MYT1L: variants seen among roughly 807,000 people sequenced by gnomAD.
MYT1L encodes myelin transcription factor 1 like.
MYT1L carries 12 observed loss-of-function variants against 126.7 expected under a neutral mutation model. That is an observed-to-expected ratio of 0.09 (90% confidence interval 0.06 to 0.15). The LOEUF (loss-of-function observed/expected upper bound fraction) is 0.15, where lower values mean the gene tolerates loss of function less well. Ranked by LOEUF, MYT1L falls within the 10% of genes least tolerant of loss-of-function variation. The pLI is 1.00. For missense variants in MYT1L, 979 were observed against 1,585.2 expected (o/e 0.62, Z 6.49); for synonymous variants, 541 against 604.2 (o/e 0.90, Z 1.53).
intron 3 of MYT1L, among the ~76,000 whole-genome samples, chr2:2,069,208 G>T (rs1219456142): frequency 6.6e-6 from 1 of 152,024 alleles, no homozygotes; most frequent in Admixed American, 6.6e-5. Flanking sequence ...TTCTCCTAAT[G>T]CTCTCCCTCT....
In MYT1L at chr2:1,917,358, G is replaced by A. The variant is rs564497518; in HGVS notation, c.1484-19C>T. 6 of 1,589,164 alleles carry A rather than the reference G, an allele frequency of 3.8e-6. No homozygotes were observed. The highest frequency in any genetic ancestry group is 1.7e-4 in the Middle Eastern group (1 of 5,920). On this transcript the variant is annotated intron_variant, in intron 10 of 24. Transcript: ENST00000647738. The surrounding 1 kb of genome is among the most constrained non-coding windows in gnomAD (Gnocchi z 5.9). The stretch of plus-strand genomic sequence containing the variant: ...GAGGGATCTAAAAGCGACAACAGGT[G>A]CCAAGAGAATAAATGTTTACCAATC...
intron 1 of MYT1L, chr2:2,326,031 G>A (rs1030723467): frequency 9.9e-5 from 15 of 152,266 alleles, no homozygotes; most frequent in African/African-American, 3.6e-4. Context: ...AAAGGAAAGA[G>A]GTACCTTTTT....
intron 4 of MYT1L, among the ~76,000 whole-genome samples, chr2:2,053,092 G>A (rs1475164998): frequency 1.3e-5 from 2 of 152,098 alleles, no homozygotes; most frequent in African/African-American, 4.8e-5. Flanking sequence ...AAGGAAGGAT[G>A]CTCTGACCCA....
intron 1 of MYT1L, among the ~76,000 whole-genome samples, chr2:2,311,707 G>A (rs913116726): frequency 6.6e-6 from 1 of 152,078 alleles, no homozygotes; most frequent in South Asian, 2.1e-4. Flanking sequence ...GCAAGATAGG[G>A]GAGCAGGAAC....
chr2:1,953,831 G>C (rs566008870), intron 8 of MYT1L, among the ~76,000 whole-genome samples: 111 of 152,308 alleles, frequency 7.3e-4, no homozygotes, highest in African/African-American at 2.5e-3. Flanking sequence ...CTTGCCACTT[G>C]CAAGACTAGA....
chr2:1,889,463 C>A lies in MYT1L; in HGVS notation c.2298G>T (p.Glu766Asp). 1 of 1,601,318 alleles carries A rather than the reference C, an allele frequency of 6.2e-7. No individual in the cohort carries two copies. The highest frequency in any genetic ancestry group is 8.5e-7 in the Non-Finnish European group (1 of 1,171,306). ...DLCATRNPDM[E>D]VDENGTLDLS... ...GGTCCAGGGTCCCGTTCTCATCCAC[C>A]TCCATGTCAGGGTTCTGTCGGTAGA... The change falls in exon 16 of 25, where the codon GAG (glutamate) becomes GAT (aspartate). Residue 766 changes from glutamate (E) to aspartate (D), a missense_variant. By Grantham distance (45) the Glu-to-Asp change is conservative. This residue lies in a region of MYT1L where 141 missense variants were observed against 170.6 expected (regional missense o/e 0.83). Coordinates refer to ENST00000647738, the MANE Select transcript of MYT1L (RefSeq NM_001303052.2). The surrounding 1 kb of genome is among the most constrained non-coding windows in gnomAD (Gnocchi z 4.1).
chr2:1,929,029 T>C lies in MYT1L; in HGVS notation c.506-5766A>G, dbSNP rs1157297829. Among the ~76,000 whole-genome samples the C allele has an allele frequency of 3.3e-5, 5 of 152,060 alleles. No individual in the cohort carries two copies. The highest frequency in any genetic ancestry group is 1.2e-4 in the African/African-American group (5 of 41,376). On this transcript the variant is annotated intron_variant, in intron 9 of 24. Transcript: ENST00000647738. This position sits in a 1 kb window ranked among gnomAD's most constrained non-coding sequence, Gnocchi z 4.7. ...GACCCCCTGACTCTTATGCAGGCAG[T>C]GGTCGCATGTTTATGTGGAGCCCCT...
Position 1,801,880 on chromosome 2 carries a change from C to G in MYT1L, c.3173-81G>C. On this transcript the variant is annotated intron_variant, in intron 22 of 24. Transcript: ENST00000647738. The surrounding 1 kb of genome is among the most constrained non-coding windows in gnomAD (Gnocchi z 4.2). ...AGAATTTTGGGAGCTTTCTTTGTTC[C>G]TTTTATATTCGTAATTGAATTTGCT... is the stretch of plus-strand genomic sequence containing the variant. The G allele has an allele frequency of 1.2e-6, 1 of 806,134 alleles. No homozygotes were observed. The highest frequency in any genetic ancestry group is 1.9e-6 in the Non-Finnish European group (1 of 520,056). 49.9% of individuals were successfully genotyped at this position (806,134 alleles called of 1,614,324 possible). A position where few individuals can be genotyped will look rare whatever the true frequency, so the allele number is the denominator to read the frequency against.
chr2:2,210,334 A>T (rs2093461273), intron 2 of MYT1L, among the ~76,000 whole-genome samples: 1 of 152,194 alleles, frequency 6.6e-6, no homozygotes, highest in Non-Finnish European at 1.5e-5. Flanking sequence ...CCAATATCCT[A>T]GAGCATTTCC....
chr2:1,880,839 C>T (rs2047440102), intron 18 of MYT1L, among the ~76,000 whole-genome samples: 1 of 152,244 alleles, frequency 6.6e-6, no homozygotes, highest in South Asian at 2.1e-4. Flanking sequence ...CACCTCTTGC[C>T]TCCTTGTATT....
At chr2:1,934,269 C>G (rs1380581892) in intron 9 of MYT1L, among the ~76,000 whole-genome samples, 8 of 134,494 alleles carry the variant, frequency 5.9e-5, no homozygotes, top group East Asian at 2.5e-4. Flanking sequence ...CACAGCCCCC[C>G]GCCTGATTTT....
At chr2:2,120,971 G>A (rs1161647800) in intron 3 of MYT1L, among the ~76,000 whole-genome samples, 1 of 152,076 alleles carries the variant, frequency 6.6e-6, no homozygotes, top group East Asian at 1.9e-4. Flanking sequence ...TTAGACCCAC[G>A]GCCACCAGGT....
At chr2:1,828,061 C>A (rs2039610403) in intron 21 of MYT1L, 1 of 152,248 alleles carries the variant, frequency 6.6e-6, no homozygotes, top group Admixed American at 6.5e-5. Context: ...GGCAATGCAT[C>A]CGGGAGCGTG....
At chr2:2,043,123 C>G (rs2067743952) in intron 4 of MYT1L, among the ~76,000 whole-genome samples, 1 of 152,138 alleles carries the variant, frequency 6.6e-6, no homozygotes, top group Non-Finnish European at 1.5e-5. Flanking sequence ...GGGTTTCAGC[C>G]CCTGGTTCAC....
intron 2 of MYT1L, among the ~76,000 whole-genome samples, chr2:2,256,110 C>T (rs907776470): frequency 1.3e-5 from 2 of 152,150 alleles, no homozygotes; most frequent in East Asian, 1.9e-4. Flanking sequence ...TCACTCGCGT[C>T]GGGCCAAAAC....
chr2:2,291,990 C>G lies in MYT1L; in HGVS notation c.-520-7487G>C, dbSNP rs558375181. 1.8e-3 allele frequency among the ~76,000 whole-genome samples: 272 copies of G among 152,344 alleles called. 3 individuals are homozygous for G. The highest frequency in any genetic ancestry group is 6.4e-3 in the African/African-American group (265 of 41,566). On this transcript the variant is annotated intron_variant, in intron 1 of 24. Transcript: ENST00000647738. ...GCAGGGCGGGGCGGGTGGCTGTGCCCGGGCTGAGAGGAGCGGGTGGGGCCC... is the reference window on the plus strand; with the variant it reads ...GCAGGGCGGGGCGGGTGGCTGTGCCGGGGCTGAGAGGAGCGGGTGGGGCCC...
At chr2:1,909,513 A>T (rs1051840034) in intron 13 of MYT1L, among the ~76,000 whole-genome samples, 2 of 152,186 alleles carry the variant, frequency 1.3e-5, no homozygotes, top group African/African-American at 4.8e-5. Context: ...CATAGTTTTC[A>T]TGTAGATGAG....
At chr2:2,192,223 G>C (rs960813) in intron 2 of MYT1L, among the ~76,000 whole-genome samples, 32,676 of 152,204 alleles carry the variant, frequency 0.21, 4,479 homozygotes, top group African/African-American at 0.4. Flanking sequence ...GATAAAACAT[G>C]CGGTGCTGAT....
intron 1 of MYT1L, among the ~76,000 whole-genome samples, chr2:2,308,723 C>T (rs2095900563): frequency 6.6e-6 from 1 of 151,788 alleles, no homozygotes. Context: ...CTACACTTCA[C>T]TATATTCTAC....
Sources: gnomAD v4.1 joint callset for allele counts (sites outside exome capture counted in the v4.1 genomes callset) on GRCh38, gnomAD v4.1.1 for gene constraint, gnomAD v4.1.1 regional missense constraint, Gnocchi (gnomAD v3.1) non-coding constraint, MANE v1.5 for transcripts, NCBI Gene and HGNC (gene_info 2026-07-23, HGNC 2026-07-21) for gene names.